MYH10: variants seen among roughly 807,000 people sequenced by gnomAD.
MYH10 encodes myosin-10.
A neutral mutation model predicts 257.8 loss-of-function variants in MYH10; 55 were observed. The observed-to-expected ratio is 0.21, with a 90% confidence interval of 0.17 to 0.27. MYH10 has a LOEUF of 0.27. MYH10 is among the 10% of genes least tolerant of loss of function. MYH10 has a pLI of 1.00. For synonymous variants in MYH10, 854 were observed against 921.7 expected, an observed-to-expected ratio of 0.93 and a Z score of 1.33; for missense variants, 1,631 against 2,500.6, an observed-to-expected ratio of 0.65 and a Z score of 7.42.
intron 4 of MYH10, among the ~76,000 whole-genome samples, chr17:8,578,998 T>C (rs892631597): frequency 1.3e-5 from 2 of 152,178 alleles, no homozygotes; most frequent in East Asian, 1.9e-4. Context: ...AGAATTGCAC[T>C]ATTTGGGCCG....
At chr17:8,511,055 T>C (rs933334396) in intron 24 of MYH10, 24 of 56,054 alleles carry the variant, frequency 4.3e-4, no homozygotes, top group African/African-American at 1.7e-3. Flanking sequence ...TATATATATA[T>C]ATATACACAC....
intron 2 of MYH10, 51 bp from the exon 3 acceptor site, chr17:8,605,033 A>G: frequency 1.0e-6 from 1 of 1,003,738 alleles, no homozygotes; most frequent in Non-Finnish European, 1.4e-6. Flanking sequence ...TGCATTTATC[A>G]ATCAGGGTCC....
intron 2 of MYH10, among the ~76,000 whole-genome samples, chr17:8,620,439 T>C (rs1233735185): frequency 6.6e-6 from 1 of 151,778 alleles, no homozygotes; most frequent in Non-Finnish European, 1.5e-5. Flanking sequence ...TTAAACTGTT[T>C]TATTAGGAAA....
At chr17:8,583,296 T>C (rs917097954) in intron 4 of MYH10, among the ~76,000 whole-genome samples, 17 of 152,232 alleles carry the variant, frequency 1.1e-4, no homozygotes, top group African/African-American at 3.6e-4. Context: ...ATAACATAGA[T>C]GTCATCGAAA....
intron 2 of MYH10, among the ~76,000 whole-genome samples, chr17:8,619,330 T>A (rs758614247): frequency 8.5e-5 from 13 of 152,214 alleles, no homozygotes; most frequent in Non-Finnish European, 8.8e-5. Context: ...ACTGCCTTTA[T>A]TCATGATAAG....
intron 24 of MYH10, among the ~76,000 whole-genome samples, chr17:8,511,429 G>GAA (rs2081291175): frequency 2.0e-5 from 3 of 152,052 alleles, no homozygotes; most frequent in African/African-American, 7.2e-5. Flanking sequence ...CTGAGGCAAG[G>GAA]GAATCACTTG....
intron 6 of MYH10, chr17:8,573,937 C>T (rs1346796369): frequency 1.3e-5 from 5 of 399,220 alleles, no homozygotes; most frequent in South Asian, 2.1e-4. Flanking sequence ...AACTGGAACT[C>T]TCACATGTTC....
intron 4 of MYH10, among the ~76,000 whole-genome samples, chr17:8,585,942 A>C (rs2083902102): frequency 6.6e-6 from 1 of 152,248 alleles, no homozygotes; most frequent in Non-Finnish European, 1.5e-5. Flanking sequence ...AATGCATCAA[A>C]TGAAGGGATT....
intron 29 of MYH10, among the ~76,000 whole-genome samples, chr17:8,500,190 A>G (rs554590123): frequency 1.3e-5 from 2 of 152,230 alleles, no homozygotes; most frequent in South Asian, 4.1e-4. Context: ...GTGGCTAGGC[A>G]AAGAACAGAA....
intron 17 of MYH10, among the ~76,000 whole-genome samples, chr17:8,522,096 A>G (rs908963121): frequency 6.6e-6 from 1 of 152,356 alleles, no homozygotes; most frequent in Admixed American, 6.5e-5. Flanking sequence ...TGCATAATGT[A>G]CATATCCTCT....
chr17:8,493,760 C>T lies in MYH10; in HGVS notation c.4182G>A (p.Glu1394=). The T allele has an allele frequency of 6.2e-7, 1 of 1,613,976 alleles. No homozygotes were observed. The highest frequency in any genetic ancestry group is 2.2e-5 in the East Asian group (1 of 44,878). Residue 1394 remains glutamate, a synonymous_variant, in exon 32 of 43, where the codon GAG becomes GAA. Coordinates refer to ENST00000360416, the MANE Select transcript of MYH10 (RefSeq NM_001256012.3). ...GGGACTGCAGGGCCAGCACTTGCTT[C>T]TCCAGGTTCTTCCTGGCCTCCTCCT... is the stretch of plus-strand genomic sequence containing the variant. The part of the protein sequence containing the change: ...EEEEEARKNL[E]KQVLALQSQL...
In MYH10 at chr17:8,550,300, C is replaced by T. The variant is rs541490369; in HGVS notation, c.920-1513G>A. Among the ~76,000 whole-genome samples the T allele has an allele frequency of 1.8e-4, 28 of 152,080 alleles. No individual in the cohort carries two copies. In the East Asian group the frequency reaches 4.8e-3, roughly 26 times the overall value. On this transcript the variant is annotated intron_variant, in intron 9 of 42. Coordinates refer to ENST00000360416, the MANE Select transcript of MYH10 (RefSeq NM_001256012.3). ...GAAGTGAGGAGCGTCTCTGCCCGGC[C>T]GCCCATCTTCTGAGATGTGGGGAGC...
Position 8,581,683 on chromosome 17 carries a change from T to G in MYH10, c.531-4345A>C, listed in dbSNP as rs745986540. 3.9e-5 allele frequency among the ~76,000 whole-genome samples: 6 copies of G among 152,318 alleles called. No individual in the cohort carries two copies. The East Asian group carries it at 1.2e-3, about 29-fold the overall frequency. On this transcript the variant is annotated intron_variant, in intron 4 of 42. Transcript: ENST00000360416. ...ATTGCCCACTATAAAATGGGGATAATAGCTCCTAATACATAGGGTTGTTGA... is the reference window on the plus strand; with the variant it reads ...ATTGCCCACTATAAAATGGGGATAAGAGCTCCTAATACATAGGGTTGTTGA...
intron 14 of MYH10, among the ~76,000 whole-genome samples, chr17:8,539,998 T>C (rs1293526822): frequency 3.9e-5 from 6 of 152,340 alleles, no homozygotes; most frequent in South Asian, 4.1e-4. Flanking sequence ...CTTATTTATT[T>C]TTTTGTTTGG....
At chr17:8,564,127 C>T (rs1367806893) in intron 7 of MYH10, among the ~76,000 whole-genome samples, 1 of 152,166 alleles carries the variant, frequency 6.6e-6, no homozygotes, top group Non-Finnish European at 1.5e-5. Flanking sequence ...GAGAACTGGA[C>T]TAACTGTGAA....
intron 20 of MYH10, 42 bp downstream of exon 20, chr17:8,518,839 A>C: frequency 6.2e-7 from 1 of 1,601,582 alleles, no homozygotes; most frequent in Non-Finnish European, 8.5e-7. Context: ...AAGAAAGATT[A>C]GATTAAATCT....
intron 7 of MYH10, among the ~76,000 whole-genome samples, chr17:8,568,472 A>C (rs1423767897): frequency 6.6e-6 from 1 of 152,032 alleles, no homozygotes. Flanking sequence ...TGTTATCTCA[A>C]TTTTAAAAAG....
chr17:8,521,707 C>A (rs988909393), intron 17 of MYH10, among the ~76,000 whole-genome samples: 1 of 152,156 alleles, frequency 6.6e-6, no homozygotes, highest in Non-Finnish European at 1.5e-5. Context: ...TCTGATTGTA[C>A]AAATCCACTT....
At chr17:8,563,920 G>C (rs1206227625) in intron 7 of MYH10, among the ~76,000 whole-genome samples, 1 of 149,984 alleles carries the variant, frequency 6.7e-6, no homozygotes, top group Non-Finnish European at 1.5e-5. Context: ...GAGAGAGAAA[G>C]AAAATAAAAG....
Sources: allele counts gnomAD v4.1 joint callset (sites outside exome capture counted in the v4.1 genomes callset), GRCh38; gene constraint gnomAD v4.1.1; transcripts MANE v1.5; gene names NCBI Gene and HGNC (gene_info 2026-07-23, HGNC 2026-07-21).